The following DNAI4 variants were observed in gnomAD, a reference collection of about 807,000 sequenced individuals.
DNAI4 encodes the protein dynein axonemal intermediate chain 4.
In DNAI4, 85 loss-of-function variants were observed where a neutral mutation model predicts 105.8. The ratio of observed to expected loss-of-function variants is 0.80; its 90% CI spans 0.67 to 0.96. The LOEUF (loss-of-function observed/expected upper bound fraction) is 0.96. DNAI4 is among the 40% of genes least tolerant of loss of function. DNAI4 has a pLI of 0.00. For synonymous variants in DNAI4, 352 were observed against 331.5 expected (o/e 1.06, Z -0.67); for missense variants, 1,014 against 1,005.6 (o/e 1.01, Z -0.11).
intron 6 of DNAI4, among the ~76,000 whole-genome samples, chr1:66,868,411 G>A (rs146791762): frequency 2.9e-4 from 44 of 152,282 alleles, no homozygotes; most frequent in Non-Finnish European, 4.3e-4. Flanking sequence ...ATCTGTGAGG[G>A]TGTATTCACA....
intron 4 of DNAI4, among the ~76,000 whole-genome samples, chr1:66,879,239 T>C (rs1467772686): frequency 2.0e-5 from 3 of 152,216 alleles, no homozygotes; most frequent in Non-Finnish European, 4.4e-5. Flanking sequence ...TCTGTTTCTA[T>C]AGTTTTGCCT....
At chr1:66,907,895 T>C (rs1384595908) in intron 1 of DNAI4, among the ~76,000 whole-genome samples, 1 of 152,168 alleles carries the variant, frequency 6.6e-6, no homozygotes, top group African/African-American at 2.4e-5. Context: ...CAAACTCCAA[T>C]CCTTCAACAA....
intron 2 of DNAI4, among the ~76,000 whole-genome samples, chr1:66,902,528 G>A (rs1241404178): frequency 6.6e-6 from 1 of 151,976 alleles, no homozygotes; most frequent in East Asian, 1.9e-4. Context: ...CTCTGTTAAT[G>A]TCTTTTGATA....
At chr1:66,919,527 G>C (rs1269526992) in intron 1 of DNAI4, among the ~76,000 whole-genome samples, 1 of 152,144 alleles carries the variant, frequency 6.6e-6, no homozygotes, top group Non-Finnish European at 1.5e-5. Context: ...ACTAGCTTGA[G>C]AGAGAAAATA....
intron 8 of DNAI4, among the ~76,000 whole-genome samples, chr1:66,841,841 G>A (rs1010865141): frequency 6.6e-6 from 1 of 152,140 alleles, no homozygotes; most frequent in African/African-American, 2.4e-5. Context: ...AAAGTCCATA[G>A]TTTTACATTT....
intron 8 of DNAI4, among the ~76,000 whole-genome samples, 195 bp downstream of exon 8, chr1:66,847,289 A>G (rs754023026): frequency 1.3e-5 from 2 of 152,030 alleles, no homozygotes; most frequent in African/African-American, 4.8e-5. Flanking sequence ...TCTAAACATG[A>G]TATCTTCTTT....
intron 4 of DNAI4, among the ~76,000 whole-genome samples, chr1:66,886,220 C>T (rs1647196337): frequency 6.6e-6 from 1 of 152,186 alleles, no homozygotes; most frequent in Non-Finnish European, 1.5e-5. Flanking sequence ...TCTCTGCTGA[C>T]ATTACACACC....
intron 1 of DNAI4, among the ~76,000 whole-genome samples, chr1:66,921,763 A>G (rs368422847): frequency 2.6e-5 from 4 of 152,342 alleles, no homozygotes; most frequent in African/African-American, 7.2e-5. Flanking sequence ...CATTCAGCAA[A>G]TATTTATTCA....
At chr1:66,922,664 A>G (rs919906907) in intron 1 of DNAI4, among the ~76,000 whole-genome samples, 1 of 152,244 alleles carries the variant, frequency 6.6e-6, no homozygotes, top group Admixed American at 6.5e-5. Flanking sequence ...TTTGGCAGGT[A>G]GAAATGGTAA....
chr1:66,862,314 C>A lies in DNAI4; in HGVS notation c.941-12G>T. On this transcript the variant is annotated splice_polypyrimidine_tract_variant and intron_variant, in intron 6 of 16. Transcript: ENST00000371026. Reference sequence around the variant, plus strand: ...AGTGGACATTATGCCTAGATAAAGACACAGAAAGGTAAAAATTGTTTTAAA... The same window carrying A: ...AGTGGACATTATGCCTAGATAAAGAAACAGAAAGGTAAAAATTGTTTTAAA... The A allele has an allele frequency of 6.3e-7, 1 of 1,598,604 alleles. No homozygotes were observed. Among genetic ancestry groups the A allele is most frequent in the East Asian group, 2.3e-5 (1 of 44,168 alleles).
intron 15 of DNAI4, among the ~76,000 whole-genome samples, chr1:66,825,410 T>C (rs1228920258): frequency 1.3e-5 from 2 of 151,756 alleles, no homozygotes; most frequent in African/African-American, 2.4e-5. Flanking sequence ...CTCGATCTCC[T>C]GACCTCATGA....
At chr1:66,871,298 C>A in intron 6 of DNAI4, 72 bp downstream of exon 6, 1 of 1,368,836 alleles carries the variant, frequency 7.3e-7, no homozygotes, top group Non-Finnish European at 9.8e-7. Flanking sequence ...TCAATATTCA[C>A]TTGTCGATTG....
intron 7 of DNAI4, among the ~76,000 whole-genome samples, chr1:66,859,723 T>C (rs1646584551): frequency 6.6e-6 from 1 of 152,082 alleles, no homozygotes; most frequent in African/African-American, 2.4e-5. Context: ...ATTGTATGAC[T>C]CCAACTATAT....
chr1:66,924,619 G>A, intron 1 of DNAI4, 43 bp downstream of exon 1: 1 of 1,614,046 alleles, frequency 6.2e-7, no homozygotes, highest in Non-Finnish European at 8.5e-7. Flanking sequence ...GCTCCCTCCG[G>A]GTCCCAGGGG....
Position 66,861,482 on chromosome 1 carries a change from C to T in DNAI4, c.1096+665G>A, listed in dbSNP as rs79997069. 8.9e-3 allele frequency among the ~76,000 whole-genome samples: 1,358 copies of T among 152,236 alleles called. 9 individuals are homozygous for T. Among genetic ancestry groups the T allele is most frequent in the African/African-American group, 0.031 (1,284 of 41,546 alleles). ...ATAACTAGACTTAGTAAAGGTTCTT[C>T]CACATTGCAAAGTTTATTTGGAAAG... On this transcript the variant is annotated intron_variant, in intron 7 of 16. Transcript: ENST00000371026.
chr1:66,860,700 G>C (rs912817011), intron 7 of DNAI4: 29 of 151,910 alleles, frequency 1.9e-4, no homozygotes, highest in African/African-American at 6.5e-4. Flanking sequence ...TTTTTTGTGG[G>C]GGACTTTGCA....
chr1:66,911,266 C>T (rs562254251), intron 1 of DNAI4, among the ~76,000 whole-genome samples: 6 of 152,280 alleles, frequency 3.9e-5, no homozygotes, highest in South Asian at 4.1e-4. Flanking sequence ...AAGATGCATA[C>T]GGCAAGGGAA....
chr1:66,878,403 T>C (rs2100696270), intron 4 of DNAI4, among the ~76,000 whole-genome samples: 1 of 152,266 alleles, frequency 6.6e-6, no homozygotes, highest in South Asian at 2.1e-4. Flanking sequence ...TGGCTCATCT[T>C]GTATCCATGC....
chr1:66,872,245 T>C (rs1646863421), intron 5 of DNAI4, among the ~76,000 whole-genome samples: 2 of 151,944 alleles, frequency 1.3e-5, no homozygotes, highest in South Asian at 4.1e-4. Context: ...TATTTATTTA[T>C]TGAGACGGAG....
Sources: allele counts gnomAD v4.1 joint callset (sites outside exome capture counted in the v4.1 genomes callset), GRCh38; gene constraint gnomAD v4.1.1; transcripts MANE v1.5; gene names NCBI Gene and HGNC (gene_info 2026-07-23, HGNC 2026-07-21).